Variants in DIAPH3 observed in about 807,000 individuals in gnomAD.
The protein encoded by DIAPH3 is protein diaphanous homolog 3.
A neutral mutation model predicts 144.3 loss-of-function variants in DIAPH3; 117 were observed. The ratio of observed to expected loss-of-function variants is 0.81; its 90% confidence interval spans 0.70 to 0.95. The LOEUF (loss-of-function observed/expected upper bound fraction) is 0.95, where lower values mean the gene tolerates loss of function less well. Among genes scored for constraint, DIAPH3 ranks in the 40% least tolerant of loss-of-function variants. The pLI, the probability that DIAPH3 is intolerant of heterozygous loss-of-function variation, is 0.00. For synonymous variants in DIAPH3, 519 were observed against 488.9 expected, an observed-to-expected ratio of 1.06 and a Z score of -0.81; for missense variants, 1,421 against 1,412.7, an observed-to-expected ratio of 1.01 and a Z score of -0.09.
At chr13:59,912,964 C>T (rs1016518248) in intron 19 of DIAPH3, among the ~76,000 whole-genome samples, 16 of 152,014 alleles carry the variant, frequency 1.1e-4, no homozygotes, top group Non-Finnish European at 1.5e-4. Flanking sequence ...CATCCCTAGA[C>T]AAAGTATTCA....
At chr13:59,704,537 T>C (rs1270688050) in intron 27 of DIAPH3, among the ~76,000 whole-genome samples, 1 of 152,258 alleles carries the variant, frequency 6.6e-6, no homozygotes, top group Non-Finnish European at 1.5e-5. Flanking sequence ...TACAGTCATG[T>C]GCTGCAGAAT....
intron 27 of DIAPH3, among the ~76,000 whole-genome samples, chr13:59,727,085 A>C (rs1366172322): frequency 6.6e-6 from 1 of 152,070 alleles, no homozygotes; most frequent in Non-Finnish European, 1.5e-5. Flanking sequence ...AATTACTTCT[A>C]TCTGAAGAAA....
At chr13:59,877,168 A>G (rs979856246) in intron 21 of DIAPH3, among the ~76,000 whole-genome samples, 3 of 152,080 alleles carry the variant, frequency 2.0e-5, no homozygotes, top group Non-Finnish European at 4.4e-5. Context: ...GAGGTAAACA[A>G]GAGTAGAATA....
intron 18 of DIAPH3, among the ~76,000 whole-genome samples, chr13:59,918,952 A>T (rs1243374422): frequency 6.6e-6 from 1 of 151,902 alleles, no homozygotes; most frequent in East Asian, 1.9e-4. Context: ...TACAAAAAAA[A>T]AAAAAAAAAA....
chr13:60,088,010 G>A (rs142230668), intron 4 of DIAPH3, among the ~76,000 whole-genome samples: 1 of 152,022 alleles, frequency 6.6e-6, no homozygotes, highest in Non-Finnish European at 1.5e-5. Context: ...GAAGTACAAA[G>A]TTCAAAGAGA....
chr13:59,827,237 G>C (rs1451839664), intron 24 of DIAPH3, among the ~76,000 whole-genome samples: 1 of 151,934 alleles, frequency 6.6e-6, no homozygotes, highest in Non-Finnish European at 1.5e-5. Context: ...CCATCAGAGT[G>C]AACAGGCAAC....
In DIAPH3 at chr13:59,965,570, A is replaced by T. The variant is rs185376114; in HGVS notation, c.2074+4374T>A. ...AAAAAAAAAAAATACATAGGTCATT[A>T]GCATTATTTTGATGATACCAAATGT... On this transcript the variant is annotated intron_variant, in intron 17 of 27. Transcript: ENST00000400324. 3.3e-5 allele frequency among the ~76,000 whole-genome samples: 5 copies of T among 152,122 alleles called. No homozygotes were observed. The East Asian group carries it at 9.7e-4, about 29-fold the overall frequency.
At chr13:59,823,796 T>C (rs2041213360) in intron 24 of DIAPH3, among the ~76,000 whole-genome samples, 1 of 152,182 alleles carries the variant, frequency 6.6e-6, no homozygotes, top group South Asian at 2.1e-4. Context: ...AAATGAGTTT[T>C]GTTCTGGCTG....
intron 27 of DIAPH3, among the ~76,000 whole-genome samples, chr13:59,770,614 T>C (rs1403080856): frequency 6.6e-6 from 1 of 152,190 alleles, no homozygotes; most frequent in East Asian, 1.9e-4. Flanking sequence ...AGGCTCACTC[T>C]TGCCCTTGGG....
Position 59,756,443 on chromosome 13 carries a change from A to AGG in DIAPH3, c.3319+17745_3319+17746insCC, listed in dbSNP as rs1215869976. ...AAGGAAGGAAGGAAGGAAGGAAGGAAAGAAGGAAGGAAGGAAGGAAGGAAA... is the reference window on the plus strand; with the variant it reads ...AAGGAAGGAAGGAAGGAAGGAAGGAAGGAGAAGGAAGGAAGGAAGGAAGGAAA... On this transcript the variant is annotated intron_variant, in intron 27 of 27. Coordinates refer to ENST00000400324, the MANE Select transcript of DIAPH3 (RefSeq NM_001042517.2). 5.9e-3 allele frequency among the ~76,000 whole-genome samples: 756 copies of AGG among 128,042 alleles called. 4 individuals carry two copies. Among genetic ancestry groups the AGG allele is most frequent in the Middle Eastern group, 0.02 (5 of 254 alleles). The allele number at this position is 128,042 out of a possible 152,430, so 84.0% of individuals were successfully genotyped here. A position where few individuals can be genotyped will look rare whatever the true frequency, so the allele number is the denominator to read the frequency against.
intron 22 of DIAPH3, among the ~76,000 whole-genome samples, chr13:59,842,577 G>C (rs2042409444): frequency 6.6e-6 from 1 of 152,032 alleles, no homozygotes; most frequent in African/African-American, 2.4e-5. Flanking sequence ...TTTAGTGTCA[G>C]GCTGTACAGG....
rs1414908304 is a variant in DIAPH3, at chr13:59,992,329, TATC to T, written c.1125+141_1125+143del. 6 of 1,002,918 alleles carry T rather than the reference TATC, an allele frequency of 6.0e-6. No homozygotes were observed. In the East Asian group the frequency reaches 7.9e-5, roughly 13 times the overall value. The allele number at this position is 1,002,918 out of a possible 1,614,324, so 62.1% of individuals were successfully genotyped here. A position where few individuals can be genotyped will look rare whatever the true frequency, so the allele number is the denominator to read the frequency against. ...AAAGTGTTAAATAACACTCGAATCT[TATC>T]ATCTATATTTCAAAAATAGATTTTT... On this transcript the variant is annotated intron_variant, in intron 10 of 27. Coordinates refer to ENST00000400324, the MANE Select transcript of DIAPH3 (RefSeq NM_001042517.2).
At chr13:59,733,108 T>A (rs1390561886) in intron 27 of DIAPH3, among the ~76,000 whole-genome samples, 1 of 152,184 alleles carries the variant, frequency 6.6e-6, no homozygotes, top group Non-Finnish European at 1.5e-5. Context: ...TCCTTCATTA[T>A]CTACATTCTT....
At chr13:59,799,241 A>G (rs1452557176) in intron 25 of DIAPH3, among the ~76,000 whole-genome samples, 1 of 152,112 alleles carries the variant, frequency 6.6e-6, no homozygotes, top group African/African-American at 2.4e-5. Flanking sequence ...CAACTGAACC[A>G]GAAAGAGGGC....
At chr13:59,946,692 A>C (rs963052741) in intron 17 of DIAPH3, among the ~76,000 whole-genome samples, 1 of 152,200 alleles carries the variant, frequency 6.6e-6, no homozygotes, top group South Asian at 2.1e-4. Context: ...TATTGTGTAC[A>C]ATATTTTAAT....
chr13:59,758,661 CTAGG>C (rs1160179091), intron 27 of DIAPH3, among the ~76,000 whole-genome samples: 1 of 152,016 alleles, frequency 6.6e-6, no homozygotes, highest in African/African-American at 2.4e-5. Flanking sequence ...AAGGAAGAAG[CTAGG>C]GAGTATATGG....
At chr13:59,695,042 A>G (rs1178048426) in intron 27 of DIAPH3, among the ~76,000 whole-genome samples, 1 of 152,228 alleles carries the variant, frequency 6.6e-6, no homozygotes, top group East Asian at 1.9e-4. Context: ...GTCGATAAAA[A>G]TGAATATACT....
chr13:59,760,475 A>C (rs537420204), intron 27 of DIAPH3, among the ~76,000 whole-genome samples: 164 of 152,342 alleles, frequency 1.1e-3, no homozygotes, highest in African/African-American at 3.8e-3. Context: ...ACAGATTTTG[A>C]GTTACTGGCT....
intron 4 of DIAPH3, among the ~76,000 whole-genome samples, chr13:60,069,505 GT>G (rs1190485113): frequency 6.6e-6 from 1 of 151,916 alleles, no homozygotes; most frequent in Admixed American, 6.6e-5. Flanking sequence ...TCAATTTTTG[GT>G]TTTGTTGCAA....
Sources: gnomAD v4.1 joint callset for allele counts (sites outside exome capture counted in the v4.1 genomes callset) on GRCh38, gnomAD v4.1.1 for gene constraint, MANE v1.5 for transcripts, NCBI Gene and HGNC (gene_info 2026-07-23, HGNC 2026-07-21) for gene names.